The following CEMIP variants were observed in gnomAD, a reference collection of about 807,000 sequenced individuals.
The protein encoded by CEMIP is cell migration inducing hyaluronidase 1, also known as cell migration-inducing and hyaluronan-binding protein.
Under a neutral mutation model 156.9 loss-of-function variants are expected in CEMIP, and 105 were observed. The ratio of observed to expected loss-of-function variants is 0.67; its 90% CI spans 0.57 to 0.79. The LOEUF (loss-of-function observed/expected upper bound fraction) is 0.79, where lower values mean the gene tolerates loss of function less well. CEMIP is among the 30% of genes least tolerant of loss of function. The probability of loss-of-function intolerance (pLI) is 0.00; values close to 1 mark genes in which losing one functional copy is unlikely to be tolerated. For missense variants in CEMIP, 1,457 were observed against 1,769.4 expected, an observed-to-expected ratio of 0.82 and a Z score of 3.17; for synonymous variants, 676 against 668.4, an observed-to-expected ratio of 1.01 and a Z score of -0.17.
At position 80,932,047 on chromosome 15, in the gene CEMIP, A is replaced by G. The variant is rs1469780281; in HGVS notation, c.2793+8A>G. The G allele has an allele frequency of 6.2e-7, 1 of 1,612,488 alleles. No homozygotes were observed. On this transcript the variant is annotated splice_region_variant and intron_variant, in intron 22 of 29. Coordinates refer to ENST00000394685, the MANE Select transcript of CEMIP (RefSeq NM_001293298.2). This position sits in a 1 kb window ranked among gnomAD's most constrained non-coding sequence, Gnocchi z 4.5. ...GCCTTTGAGGACGTTCCGGTGAGTG[A>G]GGCGCCAGGGCAGACTCCCGGCAAA...
At position 80,853,565 on chromosome 15, in the gene CEMIP, A is replaced by G. The variant is rs537020771; in HGVS notation, c.-175-19973A>G. ...AGCCCTACAATATGGTGGTCTTTGA[A>G]GCCCTAAGAAGGGAATTGACCCAAT... On this transcript the variant is annotated intron_variant, in intron 1 of 29. Coordinates refer to ENST00000394685, the MANE Select transcript of CEMIP (RefSeq NM_001293298.2). Among the ~76,000 whole-genome samples the G allele has an allele frequency of 1.3e-3, 193 of 152,320 alleles. 2 individuals are homozygous for G. The highest frequency in any genetic ancestry group is 1.7e-3 in the Non-Finnish European group (114 of 68,034).
At chr15:80,872,764 G>A (rs182164764) in intron 1 of CEMIP, among the ~76,000 whole-genome samples, 25 of 151,966 alleles carry the variant, frequency 1.6e-4, no homozygotes, top group African/African-American at 5.3e-4. Flanking sequence ...GCAGTGAGCC[G>A]AGCTCCCGCC....
rs149196060 is a variant in CEMIP, at chr15:80,865,689, A to C, written c.-175-7849A>C. On this transcript the variant is annotated intron_variant, in intron 1 of 29. Transcript: ENST00000394685. ...TTTTTATAGCTCATCAGCTACTGTT[A>C]GTGTATTTTATGTGTGGCCCAAGAC... Among the ~76,000 whole-genome samples, 17 of 136,908 alleles carry C rather than the reference A, an allele frequency of 1.2e-4. No individual in the cohort carries two copies. In the East Asian group the frequency reaches 3.4e-3, roughly 27 times the overall value. The allele number at this position is 136,908 out of a possible 152,430, so 89.8% of individuals were successfully genotyped here.
chr15:80,906,158 T>C lies in CEMIP; in HGVS notation c.1412-505T>C, dbSNP rs918189761. Among the ~76,000 whole-genome samples, 1 of 152,210 alleles carries C rather than the reference T, an allele frequency of 6.6e-6. No individual in the cohort carries two copies. Among genetic ancestry groups the C allele is most frequent in the African/African-American group, 2.4e-5 (1 of 41,458 alleles). On this transcript the variant is annotated intron_variant, in intron 12 of 29. Transcript: ENST00000394685. This position sits in a 1 kb window ranked among gnomAD's most constrained non-coding sequence, Gnocchi z 4.3. ...TTCCTAAGATCGGCAATCTACGGTA[T>C]CATCCAGAGACCAGGTTTCTTCTCT...
intron 1 of CEMIP, among the ~76,000 whole-genome samples, chr15:80,805,407 A>G (rs1896490542): frequency 6.6e-6 from 1 of 152,214 alleles, no homozygotes; most frequent in African/African-American, 2.4e-5. Flanking sequence ...CTACTGAGCC[A>G]GGCGGTTCCC....
At chr15:80,796,838 A>G (rs1343803634) in intron 1 of CEMIP, among the ~76,000 whole-genome samples, 2 of 152,224 alleles carry the variant, frequency 1.3e-5, no homozygotes, top group Non-Finnish European at 2.9e-5. Flanking sequence ...TTATGTCCAT[A>G]TAAGGCAAAG....
At chr15:80,867,880 C>T (rs559582806) in intron 1 of CEMIP, among the ~76,000 whole-genome samples, 9 of 152,186 alleles carry the variant, frequency 5.9e-5, no homozygotes, top group South Asian at 2.1e-4. Context: ...AGGGGGGCGG[C>T]GTGTTTGGCT....
intron 29 of CEMIP, chr15:80,948,360 C>A: frequency 3.4e-6 from 1 of 293,336 alleles, no homozygotes; most frequent in South Asian, 3.5e-5. Context: ...CTTTCTAGAG[C>A]CACAGAGTGA....
At chr15:80,933,826 G>A (rs1901017748) in intron 23 of CEMIP, among the ~76,000 whole-genome samples, 1 of 152,194 alleles carries the variant, frequency 6.6e-6, no homozygotes, top group South Asian at 2.1e-4. Context: ...GGTGGCTTCA[G>A]AAAATACAAG....
At chr15:80,855,082 G>A (rs958072974) in intron 1 of CEMIP, among the ~76,000 whole-genome samples, 1 of 152,208 alleles carries the variant, frequency 6.6e-6, no homozygotes, top group African/African-American at 2.4e-5. Context: ...AGCCACTCAG[G>A]TGGCTGAGAT....
intron 1 of CEMIP, among the ~76,000 whole-genome samples, chr15:80,781,516 C>G (rs1259426148): frequency 2.6e-5 from 4 of 152,204 alleles, no homozygotes; most frequent in African/African-American, 9.6e-5. Context: ...AGAAACGACA[C>G]TGGATGGGGC....
chr15:80,946,693 A>G, intron 28 of CEMIP: 4 of 471,452 alleles, frequency 8.5e-6, no homozygotes, highest in Non-Finnish European at 1.2e-5. Context: ...GGAGAGAGAC[A>G]TGTAAACGCG....
intron 1 of CEMIP, among the ~76,000 whole-genome samples, chr15:80,866,057 A>G (rs547589440): frequency 2.0e-5 from 3 of 152,308 alleles, no homozygotes; most frequent in African/African-American, 7.2e-5. Flanking sequence ...CCCAGCTGCA[A>G]TTGGCAAAGG....
chr15:80,915,823 G>C (rs978002454), intron 14 of CEMIP, among the ~76,000 whole-genome samples: 1 of 136,354 alleles, frequency 7.3e-6, no homozygotes, highest in Admixed American at 8.2e-5. Flanking sequence ...GTTTTAATCT[G>C]CATATTCAAA....
intron 1 of CEMIP, among the ~76,000 whole-genome samples, chr15:80,781,351 T>C (rs77430407): frequency 6.6e-6 from 1 of 152,184 alleles, no homozygotes; most frequent in Admixed American, 6.5e-5. Flanking sequence ...CTGATCCTAA[T>C]AGTTTTGTTC....
intron 12 of CEMIP, chr15:80,896,388 C>A (rs1256435605): frequency 2.0e-6 from 1 of 512,812 alleles, no homozygotes; most frequent in African/African-American, 1.9e-5. Context: ...ACACAGAACT[C>A]TTAAGGCCTA....
intron 14 of CEMIP, among the ~76,000 whole-genome samples, chr15:80,914,438 G>A (rs1900185717): frequency 6.6e-6 from 1 of 152,162 alleles, no homozygotes; most frequent in Non-Finnish European, 1.5e-5. Flanking sequence ...GTCCCCAACA[G>A]GCTGCCACAT....
chr15:80,832,322 C>CTCTG lies in CEMIP; in HGVS notation c.-175-41215_-175-41214insCTGT, dbSNP rs1555429057. ...CTGGAGCTTTGGTTTAAAATAAACT[C>CTCTG]TGTGTGTGTGTGTGTGTGTGTGTGT... On this transcript the variant is annotated intron_variant, in intron 1 of 29. Coordinates refer to ENST00000394685, the MANE Select transcript of CEMIP (RefSeq NM_001293298.2). Among the ~76,000 whole-genome samples, 667 of 128,106 alleles carry CTCTG rather than the reference C, an allele frequency of 5.2e-3. 9 individuals are homozygous for CTCTG. The highest frequency in any genetic ancestry group is 0.025 in the South Asian group (89 of 3,592). The allele number at this position is 128,106 out of a possible 152,430, so 84.0% of individuals were successfully genotyped here.
At chr15:80,926,005 A>G (rs1900651499) in intron 19 of CEMIP, among the ~76,000 whole-genome samples, 1 of 152,186 alleles carries the variant, frequency 6.6e-6, no homozygotes, top group Non-Finnish European at 1.5e-5. Flanking sequence ...GCTTCCAAAT[A>G]GTCACTGGGC....
Sources: allele counts gnomAD v4.1 joint callset (sites outside exome capture counted in the v4.1 genomes callset), GRCh38; gene constraint gnomAD v4.1.1; non-coding constraint Gnocchi (gnomAD v3.1); transcripts MANE v1.5; gene names NCBI Gene and HGNC (gene_info 2026-07-23, HGNC 2026-07-21).